MICAL2: variants seen among roughly 807,000 people sequenced by gnomAD.
MICAL2 encodes [F-actin]-monooxygenase MICAL2.
Under a neutral mutation model 127.3 loss-of-function variants are expected in MICAL2, and 77 were observed. The observed-to-expected ratio is 0.60, with a 90% CI of 0.50 to 0.73. The LOEUF (loss-of-function observed/expected upper bound fraction) is 0.73, where lower values mean the gene tolerates loss of function less well. Among genes scored for constraint, MICAL2 ranks in the 30% least tolerant of loss-of-function variants. The probability of loss-of-function intolerance (pLI) is 0.00; values close to 1 mark genes in which losing one functional copy is unlikely to be tolerated. For synonymous variants in MICAL2, 570 were observed against 551.1 expected (o/e 1.03, Z -0.48); for missense variants, 1,351 against 1,434.4 (o/e 0.94, Z 0.94).
intron 3 of MICAL2, among the ~76,000 whole-genome samples, chr11:12,170,878 C>G (rs571881467): frequency 1.3e-5 from 2 of 152,200 alleles, no homozygotes; most frequent in African/African-American, 4.8e-5. Context: ...GGTTCATCCC[C>G]GCGTCTCAAG....
In MICAL2 at chr11:12,151,329, C is replaced by T. The variant is rs11605028; in HGVS notation, c.-77-10750C>T. Among the ~76,000 whole-genome samples the T allele has an allele frequency of 7.7e-3, 1,170 of 152,194 alleles. 11 individuals carry two copies. The highest frequency in any genetic ancestry group is 0.013 in the Non-Finnish European group (879 of 68,016). On this transcript the variant is annotated intron_variant, in intron 2 of 27. Coordinates refer to ENST00000683283, the MANE Select transcript of MICAL2 (RefSeq NM_001282663.2). Reference sequence around the variant, plus strand: ...TAATAGAAGGTAAAATGTAAAATGACGGACCCGGTTGTTATTGGAAGTTGG... The same window carrying T: ...TAATAGAAGGTAAAATGTAAAATGATGGACCCGGTTGTTATTGGAAGTTGG...
At chr11:12,349,906 T>A in exon 33 of MICAL2, 1 of 1,614,098 alleles carries the variant, frequency 6.2e-7, no homozygotes, top group Non-Finnish European at 8.5e-7. Context: ...GAAGAATAAA[T>A]TAATGCGATA....
chr11:12,233,041 C>T (rs11604376), intron 15 of MICAL2, among the ~76,000 whole-genome samples: 9,373 of 152,148 alleles, frequency 0.062, 426 homozygotes, highest in East Asian at 0.28. Context: ...GTCTCAGTTA[C>T]CAGATCAAAA....
intron 32 of MICAL2, among the ~76,000 whole-genome samples, chr11:12,333,426 G>A (rs1938686749): frequency 6.6e-6 from 1 of 151,772 alleles, no homozygotes; most frequent in Non-Finnish European, 1.5e-5. Flanking sequence ...AAACCATGCG[G>A]CAAACATCAC....
downstream of MICAL2, chr11:12,294,737 A>G (rs745905949): frequency 5.6e-6 from 9 of 1,613,728 alleles, no homozygotes; most frequent in Non-Finnish European, 7.6e-6. Context: ...GCCTGAAGAT[A>G]GTGCGCAGGC....
intron 29 of MICAL2, among the ~76,000 whole-genome samples, chr11:12,315,677 A>G (rs763162071): frequency 1.3e-5 from 2 of 152,192 alleles, no homozygotes; most frequent in Non-Finnish European, 2.9e-5. Flanking sequence ...CGTCTAACTT[A>G]GGAAATGTTT....
At chr11:12,120,702 G>A (rs541918306) in intron 1 of MICAL2, among the ~76,000 whole-genome samples, 43 of 152,346 alleles carry the variant, frequency 2.8e-4, no homozygotes, top group Admixed American at 1.3e-4. Context: ...CACAGTCAGG[G>A]TACCATGTGG....
chr11:12,257,973 C>G (rs1173287880), intron 24 of MICAL2, among the ~76,000 whole-genome samples: 1 of 152,204 alleles, frequency 6.6e-6, no homozygotes, highest in African/African-American at 2.4e-5. Flanking sequence ...CAAAGAAAGA[C>G]TGAGGGTGTT....
chr11:12,262,269 AC>A, intron 26 of MICAL2: 1 of 1,419,914 alleles, frequency 7.0e-7, no homozygotes, highest in Non-Finnish European at 9.2e-7. Context: ...GTGTGCATCC[AC>A]TCTCGTAAAC....
intron 22 of MICAL2, 39 bp from the exon 23 acceptor site, chr11:12,255,604 A>T (rs761246021): frequency 6.3e-7 from 1 of 1,592,196 alleles, no homozygotes. Context: ...ACTGGCCTCT[A>T]CCTTTGTCTC....
chr11:12,177,042 C>T (rs537433616), intron 3 of MICAL2, among the ~76,000 whole-genome samples: 154 of 152,260 alleles, frequency 1.0e-3, no homozygotes, highest in African/African-American at 3.7e-3. Flanking sequence ...ATTACTGGGT[C>T]AAATGGTAAT....
chr11:12,360,127 A>AAAAAAT (rs386373113), downstream of MICAL2, among the ~76,000 whole-genome samples: 6 of 151,598 alleles, frequency 4.0e-5, no homozygotes, highest in South Asian at 2.1e-4. Context: ...TTTAAAAAAA[A>AAAAAAT]AATAAGAATC....
intron 8 of MICAL2, 34 bp from the exon 9 acceptor site, chr11:12,220,167 G>C: frequency 1.2e-6 from 2 of 1,612,170 alleles, no homozygotes; most frequent in Non-Finnish European, 1.7e-6. Context: ...CTTTAGAGGG[G>C]GAGGTTGCTG....
At chr11:12,132,618 G>A (rs942173402) in intron 1 of MICAL2, among the ~76,000 whole-genome samples, 4 of 152,358 alleles carry the variant, frequency 2.6e-5, no homozygotes, top group African/African-American at 9.6e-5. Context: ...GCTGGGCGGT[G>A]TGGCATTATG....
At chr11:12,317,198 C>G (rs1864242341) in intron 29 of MICAL2, among the ~76,000 whole-genome samples, 1 of 152,200 alleles carries the variant, frequency 6.6e-6, no homozygotes, top group Non-Finnish European at 1.5e-5. Flanking sequence ...CCCAAACTTT[C>G]ATCTATCTTT....
In MICAL2 at chr11:12,242,729, C is replaced by A; in HGVS notation, c.2615C>A (p.Ala872Glu). The A allele has an allele frequency of 6.2e-7, 1 of 1,611,580 alleles. No homozygotes were observed. The highest frequency in any genetic ancestry group is 8.5e-7 in the Non-Finnish European group (1 of 1,179,160). Residue 872 changes from alanine to glutamate, a missense_variant, in exon 20 of 28, where the codon GCG becomes GAG. Ala to Glu is a moderately radical substitution (Grantham distance 107, BLOSUM62 -1). Around this residue, in one of 2 missense-constraint regions of MICAL2, gnomAD observed 752 missense variants for 719.4 expected, o/e 1.05. Transcript: ENST00000683283. The stretch of plus-strand genomic sequence containing the variant: ...CACACAAAGAACATTAAGGAGAAGG[C>A]GGCTCACCTTGCCTCCATGTTTGGA... ...EFHTKNIKEK[A>E]AHLASMFGHG...
intron 2 of MICAL2, among the ~76,000 whole-genome samples, chr11:12,285,704 G>T (rs1863818989): frequency 6.6e-6 from 1 of 152,218 alleles, no homozygotes; most frequent in South Asian, 2.1e-4. Context: ...GGTAGTAATT[G>T]TCACCTGTGC....
At chr11:12,305,582 A>C (rs981441999) in intron 29 of MICAL2, among the ~76,000 whole-genome samples, 2 of 152,238 alleles carry the variant, frequency 1.3e-5, no homozygotes, top group Non-Finnish European at 2.9e-5. Flanking sequence ...TAATGATAGA[A>C]TCATTATAAC....
rs1292263657 is a variant in MICAL2, at chr11:12,259,995, C to T, written c.3334+98C>T. Reference sequence around the variant, plus strand: ...TGCAGGGACTCCTGCAAGCTGCTGGCCTCCATATCAGGGACAATGCTTACA... The same window carrying T: ...TGCAGGGACTCCTGCAAGCTGCTGGTCTCCATATCAGGGACAATGCTTACA... On this transcript the variant is annotated intron_variant, in intron 26 of 27. Transcript: ENST00000683283. The T allele has an allele frequency of 1.9e-6, 3 of 1,556,648 alleles. No individual in the cohort carries two copies. The African/African-American group carries it at 4.1e-5, about 21-fold the overall frequency.
Sources: allele counts gnomAD v4.1 joint callset (sites outside exome capture counted in the v4.1 genomes callset), GRCh38; gene constraint gnomAD v4.1.1; regional missense constraint gnomAD v4.1.1; transcripts MANE v1.5; gene names NCBI Gene and HGNC (gene_info 2026-07-23, HGNC 2026-07-21).